LRRIQ1: variants seen among roughly 807,000 people sequenced by gnomAD.
LRRIQ1 encodes the protein leucine-rich repeat- and IQ domain-containing protein 1.
Under a neutral mutation model 211.9 loss-of-function variants are expected in LRRIQ1, and 210 were observed. The ratio of observed to expected loss-of-function variants is 0.99; its 90% CI spans 0.89 to 1.11. The LOEUF (loss-of-function observed/expected upper bound fraction) is 1.11. Ranked by LOEUF, LRRIQ1 falls within the 50% of genes most tolerant of loss-of-function variation. The pLI is 0.00. For missense variants in LRRIQ1, 2,136 were observed against 1,939.5 expected (o/e 1.10, Z -1.90); for synonymous variants, 699 against 650.1 (o/e 1.08, Z -1.14).
chr12:85,125,217 C>A (rs947626194), intron 17 of LRRIQ1, among the ~76,000 whole-genome samples: 1 of 151,884 alleles, frequency 6.6e-6, no homozygotes, highest in Non-Finnish European at 1.5e-5. Flanking sequence ...TATATATATA[C>A]CTTTGCACAT....
chr12:85,057,171 A>T lies in LRRIQ1; in HGVS notation c.2378A>T (p.Asp793Val). 1 of 1,504,178 alleles carries T rather than the reference A, an allele frequency of 6.6e-7. No homozygotes were observed. The highest frequency in any genetic ancestry group is 8.9e-7 in the Non-Finnish European group (1 of 1,125,058). The allele number at this position is 1,504,178 out of a possible 1,614,324, so 93.2% of individuals were successfully genotyped here. A position where few individuals can be genotyped will look rare whatever the true frequency, so the allele number is the denominator to read the frequency against. Residue 793 changes from aspartate (D) to valine (V), a missense_variant, in exon 8 of 27, where the codon GAT becomes GTT. Transcript: ENST00000393217. ...GAAATTCTTCGATGTGGCCCTTGGG[A>T]TACTTTACAGCAGGTATTTCTAATT... The part of the protein sequence containing the change: ...KLEILRCGPW[D>V]TLQQVTTVTF...
chr12:85,143,460 A>G (rs1297344491), intron 19 of LRRIQ1, among the ~76,000 whole-genome samples: 3 of 151,450 alleles, frequency 2.0e-5, no homozygotes, highest in Admixed American at 6.6e-5. Flanking sequence ...TTTTAATTTG[A>G]TGTAACTCCA....
intron 23 of LRRIQ1, among the ~76,000 whole-genome samples, chr12:85,157,924 A>G (rs1051216585): frequency 6.6e-6 from 1 of 151,944 alleles, no homozygotes; most frequent in Non-Finnish European, 1.5e-5. Flanking sequence ...GCTATAGCAA[A>G]GCCATCAGAT....
At chr12:85,250,953 T>TTATATATTATATTATATATATTATAG (rs1565929005) in intron 1 of LRRIQ1, among the ~76,000 whole-genome samples, 4 of 92,256 alleles carry the variant, frequency 4.3e-5, no homozygotes, top group Non-Finnish European at 6.1e-5. Flanking sequence ...ATATTTTATA[T>TTATATATTATATTATATATATTATAG]ATTATATATT....
chr12:85,149,902 T>C (rs1890126165), intron 19 of LRRIQ1, among the ~76,000 whole-genome samples: 1 of 151,808 alleles, frequency 6.6e-6, no homozygotes, highest in Non-Finnish European at 1.5e-5. Flanking sequence ...TTTCAAAGTT[T>C]TCTGTACTTT....
chr12:85,047,465 C>A lies in LRRIQ1; in HGVS notation c.673C>A (p.Gln225Lys). 1 of 1,609,720 alleles carries A rather than the reference C, an allele frequency of 6.2e-7. No individual in the cohort carries two copies. The highest frequency in any genetic ancestry group is 8.5e-7 in the Non-Finnish European group (1 of 1,178,268). Residue 225 changes from glutamine (Q) to lysine (K), a missense_variant, in exon 6 of 27, where the codon CAG (glutamine) becomes AAG (lysine). Coordinates refer to ENST00000393217, the MANE Select transcript of LRRIQ1 (RefSeq NM_001079910.2). ...KVEKKKLENI[Q>K]KQEQDKMNDE... ...TGAAAAGAAGAAATTAGAGAACATT[C>A]AGAAGGTATTTTGCTTTTGTTTTTC...
chr12:85,262,965 C>T, exon 2 of LRRIQ1: 2 of 986,978 alleles, frequency 2.0e-6, no homozygotes, highest in Middle Eastern at 2.8e-4. Flanking sequence ...AAATACAAGA[C>T]CTTCTAAAAA....
Position 85,121,734 on chromosome 12 carries a change from C to T in LRRIQ1, c.3415C>T (p.Leu1139Phe). Residue 1139 changes from leucine to phenylalanine, a missense_variant, in exon 16 of 27, where the codon CTC becomes TTC. Physicochemically the swap from Leu to Phe is conservative, Grantham distance 22. Coordinates refer to ENST00000393217, the MANE Select transcript of LRRIQ1 (RefSeq NM_001079910.2). ...LLKVLPALRI[L>F]NGNILNSNSE... Reference sequence around the variant, plus strand: ...TAAAGTGTTGCCTGCTCTGAGAATCCTCAATGGCAATATACTAAACTCTAA... The same window carrying T: ...TAAAGTGTTGCCTGCTCTGAGAATCTTCAATGGCAATATACTAAACTCTAA... The T allele has an allele frequency of 6.3e-7, 1 of 1,597,462 alleles. No homozygotes were observed. The highest frequency in any genetic ancestry group is 8.5e-7 in the Non-Finnish European group (1 of 1,172,564).
the LRRIQ1 span, among the ~76,000 whole-genome samples, chr12:85,270,465 G>A: frequency 7.2e-4 from 110 of 152,120 alleles, no homozygotes; most frequent in African/African-American, 2.4e-3. Flanking sequence ...CCAGGACCTA[G>A]CAACTTCACA....
rs752733187 is a variant in LRRIQ1, at chr12:85,149,208, G to A, written c.4330-3072G>A. On this transcript the variant is annotated intron_variant, in intron 19 of 26. Transcript: ENST00000393217. ...TATTGCAATTGCTTTTGGCATTATC[G>A]TCATGAAGTCTTTGCCTATGCCTGT... Among the ~76,000 whole-genome samples the A allele has an allele frequency of 3.3e-5, 5 of 151,910 alleles. No individual in the cohort carries two copies. The South Asian group carries it at 6.2e-4, about 19-fold the overall frequency.
At chr12:85,214,251 A>C (rs1162450548) in intron 24 of LRRIQ1, among the ~76,000 whole-genome samples, 1 of 152,062 alleles carries the variant, frequency 6.6e-6, no homozygotes, top group African/African-American at 2.4e-5. Context: ...TATATTTATA[A>C]ATTGGAAGAC....
intron 24 of LRRIQ1, among the ~76,000 whole-genome samples, chr12:85,183,786 G>A (rs946840824): frequency 2.2e-4 from 33 of 152,040 alleles, no homozygotes; most frequent in African/African-American, 8.0e-4. Context: ...CTCAGGTAAG[G>A]TCTTAATTAA....
chr12:85,161,954 G>T (rs1011726149), intron 24 of LRRIQ1, among the ~76,000 whole-genome samples: 1 of 152,018 alleles, frequency 6.6e-6, no homozygotes, highest in East Asian at 1.9e-4. Flanking sequence ...CAGGAGAATG[G>T]CGTGAACCCG....
chr12:85,128,549 A>G (rs1592848960), intron 18 of LRRIQ1, among the ~76,000 whole-genome samples: 3 of 152,138 alleles, frequency 2.0e-5, no homozygotes, highest in African/African-American at 7.2e-5. Context: ...GCAGTGAGCT[A>G]TGATCATACC....
chr12:85,229,615 G>T lies in LRRIQ1; in HGVS notation c.4921G>T (p.Val1641Phe). 6.2e-7 allele frequency: 1 copy of T among 1,612,228 alleles called. No individual in the cohort carries two copies. The highest frequency in any genetic ancestry group is 8.5e-7 in the Non-Finnish European group (1 of 1,179,386). ...TYQWLHTQVG[V>F]HETTSSRNMK... ...CCAATGGCTTCACACACAGGTTGGG[G>T]TTCATGAAACGACTAGTTCCAGAAA... The change falls in exon 25 of 27, where the codon GTT becomes TTT. Residue 1641 changes from valine to phenylalanine, a missense_variant. Coordinates refer to ENST00000393217, the MANE Select transcript of LRRIQ1 (RefSeq NM_001079910.2).
intron 14 of LRRIQ1, 88 bp downstream of exon 14, chr12:85,104,165 T>G (rs1303278698): frequency 5.5e-6 from 3 of 543,920 alleles, no homozygotes; most frequent in African/African-American, 4.0e-5. Context: ...AATGCATAAG[T>G]TAATGGCATT....
rs372855813 is a variant in LRRIQ1 at position 85,223,236 on chromosome 12, T to C, written c.4823-6281T>C. 5.6e-4 allele frequency among the ~76,000 whole-genome samples: 86 copies of C among 152,220 alleles called. 2 individuals carry two copies. The South Asian group carries it at 0.017, about 30-fold the overall frequency. On this transcript the variant is annotated intron_variant, in intron 24 of 26. Coordinates refer to ENST00000393217, the MANE Select transcript of LRRIQ1 (RefSeq NM_001079910.2). ...ACTATGCCAATCAGGTTGACTGTTG[T>C]CAGAAGCTAGCACAGTGCCAGATAT...
chr12:85,197,833 A>T (rs7967711), intron 24 of LRRIQ1, among the ~76,000 whole-genome samples: 3 of 136,458 alleles, frequency 2.2e-5, no homozygotes, highest in African/African-American at 5.7e-5. Flanking sequence ...ATAAAAAAAT[A>T]AAAAATATTA....
chr12:85,206,332 GT>G (rs940892548), intron 24 of LRRIQ1, among the ~76,000 whole-genome samples: 1 of 152,198 alleles, frequency 6.6e-6, no homozygotes, highest in Non-Finnish European at 1.5e-5. Flanking sequence ...CATAAGGCAG[GT>G]GGCAGGGCTG....
Sources: gnomAD v4.1 joint callset for allele counts (sites outside exome capture counted in the v4.1 genomes callset) on GRCh38, gnomAD v4.1.1 for gene constraint, MANE v1.5 for transcripts, NCBI Gene and HGNC (gene_info 2026-07-23, HGNC 2026-07-21) for gene names.